The following NCOA6 variants were observed in gnomAD, a reference collection of about 807,000 sequenced individuals.
The protein encoded by NCOA6 is NRC RAP250.
A neutral mutation model predicts 171.4 loss-of-function variants in NCOA6; 49 were observed. That is an observed-to-expected ratio of 0.29 (90% CI 0.23 to 0.36). The LOEUF (loss-of-function observed/expected upper bound fraction) is 0.36. Ranked by LOEUF, NCOA6 falls within the 10% of genes least tolerant of loss-of-function variation. NCOA6 has a pLI of 1.00. For synonymous variants in NCOA6, 910 were observed against 927.5 expected (o/e 0.98, Z 0.34); for missense variants, 2,248 against 2,554.5 (o/e 0.88, Z 2.59).
intron 3 of NCOA6, among the ~76,000 whole-genome samples, chr20:34,777,336 T>C (rs1439423875): frequency 2.6e-5 from 4 of 152,066 alleles, no homozygotes; most frequent in African/African-American, 7.2e-5. Flanking sequence ...CGGGGCACGG[T>C]GGCTCACACC....
chr20:34,768,366 A>G lies in NCOA6; in HGVS notation c.514+98T>C, dbSNP rs550174602. ...GATTCAGCAAATAGAGATGTTAAGT[A>G]TGCCATGAACCCCCACCTATCTTGC... On this transcript the variant is annotated intron_variant, in intron 5 of 14. Coordinates refer to ENST00000359003, the MANE Select transcript of NCOA6 (RefSeq NM_014071.5). 7.8e-5 allele frequency: 113 copies of G among 1,454,638 alleles called. No homozygotes were observed. In the South Asian group the frequency reaches 1.4e-3, roughly 18 times the overall value. The allele number at this position is 1,454,638 out of a possible 1,614,324, so 90.1% of individuals were successfully genotyped here.
intron 4 of NCOA6, 96 bp downstream of exon 4, chr20:34,776,197 A>G (rs2077316215): frequency 6.9e-7 from 1 of 1,453,326 alleles, no homozygotes; most frequent in African/African-American, 1.4e-5. Flanking sequence ...CTGAAACACA[A>G]GAGCAGAGGA....
intron 5 of NCOA6, among the ~76,000 whole-genome samples, chr20:34,759,763 C>T (rs2076761284): frequency 6.6e-6 from 1 of 152,000 alleles, no homozygotes; most frequent in Non-Finnish European, 1.5e-5. Flanking sequence ...GTGTATTTGT[C>T]ATGAATTCTT....
Position 34,743,283 on chromosome 20 carries a change from C to T in NCOA6, c.2973G>A (p.Met991Ile), listed in dbSNP as rs1034222298. The change falls in exon 11 of 15, where the codon ATG (methionine) becomes ATA (isoleucine). Residue 991 changes from methionine (M) to isoleucine (I), a missense_variant. Physicochemically the swap from Met to Ile is conservative, Grantham distance 10 (BLOSUM62 1). Around this residue, in one of 7 missense-constraint regions of NCOA6, gnomAD observed 352 missense variants for 419.1 expected, o/e 0.84. Coordinates refer to ENST00000359003, the MANE Select transcript of NCOA6 (RefSeq NM_014071.5). Reference protein sequence around the residue: ...RPLQQMPPQLMQHVAPPPQPP... With the variant: ...RPLQQMPPQLIQHVAPPPQPP... The stretch of plus-strand genomic sequence containing the variant: ...GCTGTGGTGGGGGTGCCACATGCTG[C>T]ATGAGTTGAGGAGGCATCTGCTGAA... The T allele has an allele frequency of 1.3e-5, 21 of 1,613,704 alleles. No homozygotes were observed. The highest frequency in any genetic ancestry group is 1.8e-5 in the Non-Finnish European group (21 of 1,179,888).
At chr20:34,748,713 C>A (rs1455484560) in intron 9 of NCOA6, among the ~76,000 whole-genome samples, 1 of 152,110 alleles carries the variant, frequency 6.6e-6, no homozygotes, top group Non-Finnish European at 1.5e-5. Flanking sequence ...AGAACGTTTA[C>A]TGAAAGGGTA....
At chr20:34,721,577 C>T (rs570734359) in intron 14 of NCOA6, among the ~76,000 whole-genome samples, 77 of 152,256 alleles carry the variant, frequency 5.1e-4, no homozygotes, top group South Asian at 8.3e-4. Context: ...CTAGATCTCT[C>T]GCATGCACAG....
chr20:34,796,389 G>A (rs1041210118), intron 1 of NCOA6, among the ~76,000 whole-genome samples: 1 of 152,026 alleles, frequency 6.6e-6, no homozygotes, highest in Non-Finnish European at 1.5e-5. Flanking sequence ...GGGTGCTGAG[G>A]AGGGCAGATT....
intron 3 of NCOA6, among the ~76,000 whole-genome samples, chr20:34,779,461 C>G (rs2077452722): frequency 6.6e-6 from 1 of 152,172 alleles, no homozygotes; most frequent in Non-Finnish European, 1.5e-5. Flanking sequence ...CTGCAGTGAG[C>G]TGAGATCATG....
At chr20:34,718,480 C>CT (rs913628188) in intron 14 of NCOA6, among the ~76,000 whole-genome samples, 495 of 140,544 alleles carry the variant, frequency 3.5e-3, no homozygotes, top group African/African-American at 9.2e-3. Flanking sequence ...GGCAAATCAC[C>CT]TTTTTTTTTT....
At chr20:34,810,445 T>C (rs949149190) in intron 1 of NCOA6, among the ~76,000 whole-genome samples, 1 of 151,992 alleles carries the variant, frequency 6.6e-6, no homozygotes, top group Non-Finnish European at 1.5e-5. Context: ...AACAAGTAAA[T>C]AGAAAACACA....
At chr20:34,730,712 C>CTTTTTT (rs141101262) in intron 13 of NCOA6, among the ~76,000 whole-genome samples, 1 of 129,038 alleles carries the variant, frequency 7.7e-6, no homozygotes, top group Admixed American at 8.0e-5. Context: ...ATGTTCTAGA[C>CTTTTTT]TTTTTTTTTT....
chr20:34,732,641 C>G (rs369696191), intron 12 of NCOA6, 46 bp from the exon 13 acceptor site: 1 of 1,548,950 alleles, frequency 6.5e-7, no homozygotes, highest in Non-Finnish European at 8.9e-7. Flanking sequence ...GGAGCTGCCA[C>G]AGAGAGAAGC....
intron 1 of NCOA6, among the ~76,000 whole-genome samples, chr20:34,793,714 T>C (rs1027744522): frequency 6.6e-5 from 10 of 151,326 alleles, no homozygotes; most frequent in Middle Eastern, 3.4e-3. Flanking sequence ...ACATTGTAAG[T>C]CAAAAAAACA....
chr20:34,780,642 G>A (rs576662768), intron 3 of NCOA6, among the ~76,000 whole-genome samples: 49 of 150,782 alleles, frequency 3.2e-4, no homozygotes, highest in South Asian at 3.0e-3. Context: ...GAGCCACTGC[G>A]CCCACCTTTA....
chr20:34,761,094 C>T (rs771931605), intron 5 of NCOA6, among the ~76,000 whole-genome samples: 3 of 152,020 alleles, frequency 2.0e-5, no homozygotes, highest in Non-Finnish European at 2.9e-5. Flanking sequence ...TGGTGGTGGG[C>T]GCCTGTAATC....
chr20:34,773,270 A>G (rs2077205479), intron 4 of NCOA6, among the ~76,000 whole-genome samples: 1 of 152,162 alleles, frequency 6.6e-6, no homozygotes, highest in Non-Finnish European at 1.5e-5. Context: ...TCTTTAGATC[A>G]CCATGAATTT....
At chr20:34,745,428 C>T (rs2076274276) in intron 10 of NCOA6, among the ~76,000 whole-genome samples, 1 of 152,154 alleles carries the variant, frequency 6.6e-6, no homozygotes, top group Non-Finnish European at 1.5e-5. Context: ...CTCTCAATGC[C>T]TTCTGGACAT....
intron 2 of NCOA6, among the ~76,000 whole-genome samples, chr20:34,783,385 T>A (rs1301654911): frequency 1.3e-5 from 2 of 152,214 alleles, no homozygotes; most frequent in African/African-American, 4.8e-5. Flanking sequence ...ATAAAGAAGT[T>A]ACATTTTCTG....
intron 7 of NCOA6, among the ~76,000 whole-genome samples, chr20:34,756,567 C>T (rs1401179384): frequency 9.9e-5 from 15 of 152,128 alleles, no homozygotes. Context: ...TTACTGTAAT[C>T]GTTTTACCTC....
Sources: allele counts gnomAD v4.1 joint callset (sites outside exome capture counted in the v4.1 genomes callset), GRCh38; gene constraint gnomAD v4.1.1; regional missense constraint gnomAD v4.1.1; transcripts MANE v1.5; gene names NCBI Gene and HGNC (gene_info 2026-07-23, HGNC 2026-07-21).